CCDC12: variants seen among roughly 807,000 people sequenced by gnomAD.
The protein encoded by CCDC12 is coiled-coil domain containing 12.
CCDC12 carries 28 observed loss-of-function variants against 25.7 expected under a neutral mutation model. The ratio of observed to expected loss-of-function variants is 1.09; its 90% confidence interval spans 0.81 to 1.50. The LOEUF (loss-of-function observed/expected upper bound fraction) is 1.50, where lower values mean the gene tolerates loss of function less well. CCDC12 is among the 40% of genes most tolerant of loss of function. The probability of loss-of-function intolerance (pLI) is 0.00; values close to 1 mark genes in which losing one functional copy is unlikely to be tolerated. For missense variants in CCDC12, 198 were observed against 210.0 expected (o/e 0.94, Z 0.35); for synonymous variants, 75 against 87.7 (o/e 0.86, Z 0.81).
At chr3:46,963,859 G>T (rs1486347860) in intron 1 of CCDC12, among the ~76,000 whole-genome samples, 6 of 152,272 alleles carry the variant, frequency 3.9e-5, no homozygotes, top group Non-Finnish European at 5.9e-5. Context: ...CGAGATTGCA[G>T]CCTCTGCTCG....
chr3:46,953,362 C>T (rs971461170), intron 1 of CCDC12, among the ~76,000 whole-genome samples: 3 of 152,168 alleles, frequency 2.0e-5, no homozygotes, highest in African/African-American at 7.2e-5. Flanking sequence ...ATTACATACT[C>T]ATGATTGCAA....
intron 1 of CCDC12, among the ~76,000 whole-genome samples, chr3:46,944,891 C>T (rs2033845773): frequency 6.6e-6 from 1 of 152,192 alleles, no homozygotes; most frequent in South Asian, 2.1e-4. Flanking sequence ...CCATTCATCT[C>T]GACCTCACAT....
At chr3:46,965,450 T>C (rs1341863616) in intron 1 of CCDC12, among the ~76,000 whole-genome samples, 2 of 152,156 alleles carry the variant, frequency 1.3e-5, no homozygotes, top group African/African-American at 4.8e-5. Flanking sequence ...AGCTAAACCG[T>C]GAAGGATCCT....
rs149781196 is a variant in CCDC12 at position 46,929,889 on chromosome 3, G to A, written c.165-4354C>T. Among the ~76,000 whole-genome samples the A allele has an allele frequency of 5.8e-3, 880 of 152,022 alleles. 11 individuals carry two copies. Among genetic ancestry groups the A allele is most frequent in the African/African-American group, 0.021 (853 of 41,458 alleles). ...CTACTAAAAAAACAAAAATTAGCCA[G>A]ATGTGGTGGCGGGTGCCTGTAATCC... On this transcript the variant is annotated intron_variant, in intron 2 of 6. Coordinates refer to ENST00000683445, the MANE Select transcript of CCDC12 (RefSeq NM_001277074.2).
chr3:46,935,394 C>T (rs1277971044), intron 2 of CCDC12, among the ~76,000 whole-genome samples: 1 of 152,136 alleles, frequency 6.6e-6, no homozygotes, highest in African/African-American at 2.4e-5. Flanking sequence ...ACAGTCCATC[C>T]ATCCCACAAG....
chr3:46,940,802 G>C, intron 2 of CCDC12, 196 bp downstream of exon 2: 1 of 606,728 alleles, frequency 1.6e-6, no homozygotes, highest in East Asian at 2.6e-5. Flanking sequence ...GAAAATGAGG[G>C]AAAGGAGGCA....
intron 2 of CCDC12, among the ~76,000 whole-genome samples, chr3:46,934,231 C>T (rs1008071792): frequency 6.6e-6 from 1 of 152,262 alleles, no homozygotes; most frequent in Non-Finnish European, 1.5e-5. Flanking sequence ...GCCTGCATAG[C>T]CCACTGCCCC....
intron 1 of CCDC12, among the ~76,000 whole-genome samples, chr3:46,967,940 C>T (rs2034688305): frequency 6.6e-6 from 1 of 152,160 alleles, no homozygotes; most frequent in African/African-American, 2.4e-5. Flanking sequence ...ACCAAGACCA[C>T]AATAGGTCTG....
chr3:46,954,337 T>C (rs536544204), intron 1 of CCDC12, among the ~76,000 whole-genome samples: 2 of 152,332 alleles, frequency 1.3e-5, no homozygotes, highest in Non-Finnish European at 2.9e-5. Context: ...CCAACCACTA[T>C]GTGTTCACTT....
Position 46,923,995 on chromosome 3 carries a change from T to C in CCDC12, c.245-327A>G, listed in dbSNP as rs2032825633. On this transcript the variant is annotated intron_variant, in intron 3 of 6. Transcript: ENST00000683445. ...TACATACAAAGTGAGGACTGGCTTC[T>C]CACATAATCCCAGGGCTCCTGGGCT... 4 of 255,326 alleles carry C rather than the reference T, an allele frequency of 1.6e-5. No individual in the cohort carries two copies. In the East Asian group the frequency reaches 3.0e-4, roughly 19 times the overall value. 15.8% of individuals were successfully genotyped at this position (255,326 alleles called of 1,614,324 possible). A position where few individuals can be genotyped will look rare whatever the true frequency, so the allele number is the denominator to read the frequency against.
At chr3:46,941,428 G>A (rs1233104561) in intron 1 of CCDC12, among the ~76,000 whole-genome samples, 4 of 152,126 alleles carry the variant, frequency 2.6e-5, no homozygotes, top group Non-Finnish European at 5.9e-5. Flanking sequence ...AGCTGGGCGT[G>A]GTAGTGGGCG....
At chr3:46,939,135 A>C (rs1471998628) in intron 2 of CCDC12, among the ~76,000 whole-genome samples, 2 of 152,190 alleles carry the variant, frequency 1.3e-5, no homozygotes, top group Non-Finnish European at 2.9e-5. Flanking sequence ...GACAACCAAT[A>C]AAGTCAGTAC....
intron 2 of CCDC12, among the ~76,000 whole-genome samples, chr3:46,927,854 C>G (rs1028106884): frequency 6.6e-6 from 1 of 152,194 alleles, no homozygotes; most frequent in Non-Finnish European, 1.5e-5. Flanking sequence ...GCGTGGAGAG[C>G]TAAGAGACTT....
At chr3:46,977,821 C>T (rs912896579), upstream of CCDC12, among the ~76,000 whole-genome samples, 1 of 152,238 alleles carries the variant, frequency 6.6e-6, no homozygotes, top group Non-Finnish European at 1.5e-5. Flanking sequence ...CTTAGAAAGA[C>T]TTGGGGTGGC....
intron 6 of CCDC12, 32 bp downstream of exon 6, chr3:46,922,204 C>T (rs760482983): frequency 1.9e-6 from 3 of 1,613,828 alleles, no homozygotes; most frequent in Middle Eastern, 3.3e-4. Context: ...ACCCAGTGGG[C>T]AGGACCCCAC....
In CCDC12 at chr3:46,952,710, A is replaced by G. The variant is rs941003367; in HGVS notation, c.97-11645T>C. Among the ~76,000 whole-genome samples the G allele has an allele frequency of 2.6e-5, 4 of 152,250 alleles. No homozygotes were observed. The East Asian group carries it at 7.7e-4, about 29-fold the overall frequency. The stretch of plus-strand genomic sequence containing the variant: ...CTGTCAATTCTTTGGTAATAACAGT[A>G]TGCCAGGCAACTGATTATTCCATTA... On this transcript the variant is annotated intron_variant, in intron 1 of 6. Coordinates refer to ENST00000683445, the MANE Select transcript of CCDC12 (RefSeq NM_001277074.2).
chr3:46,966,889 C>A (rs1394732385), intron 1 of CCDC12, among the ~76,000 whole-genome samples: 2 of 152,198 alleles, frequency 1.3e-5, no homozygotes, highest in African/African-American at 4.8e-5. Context: ...CCAGTCTTCG[C>A]CTGGCTTCTC....
In CCDC12 at chr3:46,941,050, C is replaced by A; in HGVS notation, c.112G>T (p.Glu38Ter). The change falls in exon 2 of 7, where the codon GAG (glutamate) becomes TAG (stop). Residue 38 changes from glutamate (E) to a stop codon, truncating the protein, a stop_gained. Coordinates refer to ENST00000683445, the MANE Select transcript of CCDC12 (RefSeq NM_001277074.2). LOFTEE classifies it high-confidence loss of function. ...KTGRKDKEDG[E>*]PKTKHLREEE... ...TCTCTGAGATGCTTGGTCTTTGGCT[C>A]CCCATCTTCCTTGTCCTGCAAAGAA... 6.2e-7 allele frequency: 1 copy of A among 1,614,174 alleles called. No individual in the cohort carries two copies. Among genetic ancestry groups the A allele is most frequent in the Non-Finnish European group, 8.5e-7 (1 of 1,180,024 alleles).
In CCDC12 at chr3:46,921,851, T is replaced by C; in HGVS notation, c.*206A>G. 1.7e-6 allele frequency: 1 copy of C among 602,892 alleles called. No homozygotes were observed. The highest frequency in any genetic ancestry group is 3.0e-6 in the Non-Finnish European group (1 of 338,348). 37.3% of individuals were successfully genotyped at this position (602,892 alleles called of 1,614,324 possible). A position where few individuals can be genotyped will look rare whatever the true frequency, so the allele number is the denominator to read the frequency against. On this transcript the variant is annotated 3_prime_UTR_variant, in exon 7 of 7. Transcript: ENST00000683445. Reference sequence around the variant, plus strand: ...GCAGACACAGGCACGCCCAGAGTTGTTGCTGGTTCTGCCTCCATTCAGAAT... The same window carrying C: ...GCAGACACAGGCACGCCCAGAGTTGCTGCTGGTTCTGCCTCCATTCAGAAT...
Sources: allele counts gnomAD v4.1 joint callset (sites outside exome capture counted in the v4.1 genomes callset), GRCh38; gene constraint gnomAD v4.1.1; transcripts MANE v1.5; gene names NCBI Gene and HGNC (gene_info 2026-07-23, HGNC 2026-07-21).